Variants in COL28A1 observed in about 807,000 individuals in gnomAD.
COL28A1 encodes collagen type XXVIII alpha 1 chain.
Under a neutral mutation model 150.2 loss-of-function variants are expected in COL28A1, and 161 were observed. The observed-to-expected ratio is 1.07, with a 90% CI of 0.94 to 1.22. The LOEUF is 1.22. Among genes scored for constraint, COL28A1 ranks in the 50% most tolerant of loss-of-function variants. The pLI, the probability that COL28A1 is intolerant of heterozygous loss-of-function variation, is 0.00. For missense variants in COL28A1, 1,617 were observed against 1,388.3 expected (o/e 1.16, Z -2.62); for synonymous variants, 552 against 469.7 (o/e 1.18, Z -2.26).
rs139490979 is a variant in COL28A1, at chr7:7,489,194, C to A, written c.1164+195G>T. 2.0e-3 allele frequency among the ~76,000 whole-genome samples: 300 copies of A among 152,266 alleles called. 1 individual carries two copies. Among genetic ancestry groups the A allele is most frequent in the African/African-American group, 6.8e-3 (281 of 41,548 alleles). On this transcript the variant is annotated intron_variant, in intron 13 of 34. Transcript: ENST00000399429. ...CTGAGGCAGGAGAATCACTTGCACC[C>A]AGGAGGTGGTGGTTGCAGTGAGCCG... is the stretch of plus-strand genomic sequence containing the variant.
chr7:7,358,761 A>G lies in COL28A1; in HGVS notation c.3250T>C (p.Tyr1084His). Residue 1084 changes from tyrosine (Y) to histidine (H), a missense_variant, in exon 35 of 35, where the codon TAT (tyrosine) becomes CAT (histidine). Transcript: ENST00000399429. ...EALKPGNCGE[Y>H]VVRWYYDKQV... is the part of the protein sequence containing the mutation. ...TTGTCATAATACCATCGAACCACAT[A>G]TTCACCACAGTTTCCAGGCTTCAAG... 1 of 1,614,044 alleles carries G rather than the reference A, an allele frequency of 6.2e-7. No homozygotes were observed. The highest frequency in any genetic ancestry group is 8.5e-7 in the Non-Finnish European group (1 of 1,179,944).
intron 27 of COL28A1, among the ~76,000 whole-genome samples, chr7:7,393,395 T>C (rs1372115943): frequency 6.6e-6 from 1 of 152,166 alleles, no homozygotes; most frequent in Non-Finnish European, 1.5e-5. Flanking sequence ...AGATGTCTGC[T>C]GGTGGGAGGT....
intron 32 of COL28A1, 103 bp from the exon 33 acceptor site, chr7:7,370,985 A>C: frequency 1.3e-6 from 1 of 775,322 alleles, no homozygotes; most frequent in Non-Finnish European, 2.0e-6. Context: ...GTAATTTCCC[A>C]TTACTTGAAA....
chr7:7,517,660 G>A lies in COL28A1; in HGVS notation c.855+136C>T, dbSNP rs957632471. 5 of 1,204,660 alleles carry A rather than the reference G, an allele frequency of 4.2e-6. No homozygotes were observed. In the African/African-American group the frequency reaches 7.6e-5, roughly 18 times the overall value. The allele number at this position is 1,204,660 out of a possible 1,614,324, so 74.6% of individuals were successfully genotyped here. ...CTTCTAAGATCATATCTTTCTGATT[G>A]CCTTCTTGAGCCATCAAGAGCACAA... is the stretch of plus-strand genomic sequence containing the variant. On this transcript the variant is annotated intron_variant, in intron 7 of 34. Coordinates refer to ENST00000399429, the MANE Select transcript of COL28A1 (RefSeq NM_001037763.3).
chr7:7,477,619 T>C (rs548508329), intron 13 of COL28A1, among the ~76,000 whole-genome samples: 1 of 152,310 alleles, frequency 6.6e-6, no homozygotes, highest in African/African-American at 2.4e-5. Flanking sequence ...CAGTTTCTTC[T>C]TTCTGGTGGG....
At position 7,523,887 on chromosome 7, in the gene COL28A1, C is replaced by T. The variant is rs184617502; in HGVS notation, c.702+342G>A. 3.5e-3 allele frequency among the ~76,000 whole-genome samples: 529 copies of T among 152,248 alleles called. 3 individuals carry two copies. Among genetic ancestry groups the T allele is most frequent in the Non-Finnish European group, 5.9e-3 (402 of 68,012 alleles). ...TAACCTAGCCAACACCAGGAACACC[C>T]CCCAAAATAGAGGACCTGATGTGGC... On this transcript the variant is annotated intron_variant, in intron 4 of 34. Coordinates refer to ENST00000399429, the MANE Select transcript of COL28A1 (RefSeq NM_001037763.3).
At chr7:7,376,535 G>C (rs544170038) in intron 30 of COL28A1, among the ~76,000 whole-genome samples, 1 of 152,192 alleles carries the variant, frequency 6.6e-6, no homozygotes, top group East Asian at 1.9e-4. Context: ...TACAAAATGA[G>C]AGTCAACAGT....
rs145695915 is a variant in COL28A1, at chr7:7,398,452, T to C, written c.2137-16840A>G. 3.9e-5 allele frequency among the ~76,000 whole-genome samples: 6 copies of C among 152,354 alleles called. No individual in the cohort carries two copies. The East Asian group carries it at 1.2e-3, about 29-fold the overall frequency. On this transcript the variant is annotated intron_variant, in intron 27 of 34. Transcript: ENST00000399429. The stretch of plus-strand genomic sequence containing the variant: ...GCAACAGTCAAGCCACTTAACTATG[T>C]TGATTGCTTCATGGATACATGCTCA...
chr7:7,419,984 A>G, intron 25 of COL28A1, 31 bp from the exon 26 acceptor site: 1 of 1,472,550 alleles, frequency 6.8e-7, no homozygotes, highest in Non-Finnish European at 9.2e-7. Context: ...ACAAGTTACT[A>G]ATTTTTTAAA....
chr7:7,472,765 T>G (rs1348173053), intron 15 of COL28A1, among the ~76,000 whole-genome samples: 1 of 152,178 alleles, frequency 6.6e-6, no homozygotes, highest in African/African-American at 2.4e-5. Context: ...ATTACCTGAT[T>G]TCAAACTACA....
At chr7:7,507,041 A>G (rs1780847802) in intron 10 of COL28A1, 76 bp downstream of exon 10, 2 of 776,056 alleles carry the variant, frequency 2.6e-6, no homozygotes, top group Non-Finnish European at 4.5e-6. Context: ...CAGAGGGTGC[A>G]AGTGGGCAAG....
chr7:7,404,692 T>C (rs938011949), intron 27 of COL28A1, among the ~76,000 whole-genome samples: 15 of 152,112 alleles, frequency 9.9e-5, no homozygotes, highest in African/African-American at 2.7e-4. Context: ...CCCCCTACCG[T>C]GCTCTCCTTG....
intron 30 of COL28A1, among the ~76,000 whole-genome samples, chr7:7,378,450 A>G (rs1424265907): frequency 6.6e-6 from 1 of 152,162 alleles, no homozygotes; most frequent in Non-Finnish European, 1.5e-5. Context: ...CACCGAAGTG[A>G]CATGTGGAGA....
intron 27 of COL28A1, among the ~76,000 whole-genome samples, chr7:7,382,834 G>T (rs1385892240): frequency 1.3e-5 from 2 of 152,026 alleles, no homozygotes; most frequent in African/African-American, 4.8e-5. Flanking sequence ...TATGCATTTT[G>T]CCATAAGTCT....
chr7:7,364,540 TTCGTTAAGATGCTATA>T (rs1313122424), intron 33 of COL28A1, among the ~76,000 whole-genome samples: 1 of 152,242 alleles, frequency 6.6e-6, no homozygotes, highest in Non-Finnish European at 1.5e-5. Context: ...CTATTGTTCT[TTCGTTAAGATGCTATA>T]TAAGACCAAG....
chr7:7,381,942 G>T (rs1333996050), intron 27 of COL28A1, among the ~76,000 whole-genome samples: 1 of 152,106 alleles, frequency 6.6e-6, no homozygotes, highest in Non-Finnish European at 1.5e-5. Flanking sequence ...ACAGATAGCT[G>T]CTATTTCAGC....
chr7:7,427,805 G>A (rs1784729459), intron 25 of COL28A1, among the ~76,000 whole-genome samples: 1 of 152,152 alleles, frequency 6.6e-6, no homozygotes, highest in Admixed American at 6.5e-5. Context: ...TTTGACAATA[G>A]AAAAGCTAGG....
intron 13 of COL28A1, among the ~76,000 whole-genome samples, chr7:7,483,433 G>A (rs1779458754): frequency 6.6e-6 from 1 of 152,146 alleles, no homozygotes; most frequent in Admixed American, 6.5e-5. Context: ...TGTCTGCTTG[G>A]CTTGGGCTCA....
upstream of COL28A1, among the ~76,000 whole-genome samples, chr7:7,540,007 T>C (rs533647390): frequency 2.0e-5 from 3 of 152,292 alleles, no homozygotes; most frequent in African/African-American, 7.2e-5. Flanking sequence ...ATTTTTTCAA[T>C]ATTAATATTT....
Sources: allele counts gnomAD v4.1 joint callset (sites outside exome capture counted in the v4.1 genomes callset), GRCh38; gene constraint gnomAD v4.1.1; transcripts MANE v1.5; gene names NCBI Gene and HGNC (gene_info 2026-07-23, HGNC 2026-07-21).